ROBO2: variants seen among roughly 807,000 people sequenced by gnomAD.
ROBO2 encodes roundabout homolog 2.
Under a neutral mutation model 160.8 loss-of-function variants are expected in ROBO2, and 53 were observed. That is an observed-to-expected ratio of 0.33 (90% CI 0.26 to 0.41). The LOEUF is 0.41. Among genes scored for constraint, ROBO2 ranks in the 10% least tolerant of loss-of-function variants. ROBO2 has a pLI of 1.00. For synonymous variants in ROBO2, 664 were observed against 611.7 expected (o/e 1.09, Z -1.26); for missense variants, 1,577 against 1,722.4 (o/e 0.92, Z 1.49).
chr3:76,188,084 T>G (rs1701845151), intron 2 of ROBO2, among the ~76,000 whole-genome samples: 2 of 152,118 alleles, frequency 1.3e-5, no homozygotes, highest in Admixed American at 1.3e-4. Flanking sequence ...CAGTGAATGC[T>G]TCCATCTCTC....
intron 2 of ROBO2, among the ~76,000 whole-genome samples, chr3:77,159,622 C>T (rs923430513): frequency 2.0e-5 from 3 of 152,038 alleles, no homozygotes; most frequent in African/African-American, 7.2e-5. Flanking sequence ...ATATCTCTAC[C>T]TGTCCAAATT....
chr3:76,518,490 C>G (rs2081447438), intron 2 of ROBO2, among the ~76,000 whole-genome samples: 1 of 152,018 alleles, frequency 6.6e-6, no homozygotes, highest in African/African-American at 2.4e-5. Flanking sequence ...AGAGGCGTCT[C>G]TGAAAGTTCC....
chr3:76,093,500 A>AATT (rs2069316416), intron 2 of ROBO2, among the ~76,000 whole-genome samples: 1 of 148,114 alleles, frequency 6.8e-6, no homozygotes, highest in Admixed American at 6.8e-5. Flanking sequence ...TATAATATAA[A>AATT]ATATTTATAC....
chr3:76,567,654 C>CACATACATAT (rs1553805766), intron 2 of ROBO2, among the ~76,000 whole-genome samples: 1 of 41,638 alleles, frequency 2.4e-5, no homozygotes, highest in Non-Finnish European at 4.4e-5. Flanking sequence ...TATATATATA[C>CACATACATAT]ACATACACAT....
chr3:77,111,916 A>G (rs1207016268), intron 2 of ROBO2, among the ~76,000 whole-genome samples: 1 of 152,110 alleles, frequency 6.6e-6, no homozygotes, highest in Non-Finnish European at 1.5e-5. Context: ...AAATGTCACT[A>G]TCGGAGAAAG....
intron 2 of ROBO2, among the ~76,000 whole-genome samples, chr3:76,078,657 G>A (rs1354624117): frequency 1.3e-5 from 2 of 152,154 alleles, no homozygotes; most frequent in African/African-American, 2.4e-5. Flanking sequence ...GAGCCACCAT[G>A]CACGGCCTCA....
intron 2 of ROBO2, among the ~76,000 whole-genome samples, chr3:77,359,465 G>C (rs1396008226): frequency 2.0e-5 from 3 of 152,158 alleles, no homozygotes; most frequent in Non-Finnish European, 2.9e-5. Context: ...TACCTGTGCT[G>C]ATTTGAAGAT....
At chr3:76,250,881 C>A (rs1046424942) in intron 2 of ROBO2, among the ~76,000 whole-genome samples, 1 of 151,956 alleles carries the variant, frequency 6.6e-6, no homozygotes, top group Non-Finnish European at 1.5e-5. Context: ...ATGTTATTTT[C>A]AAAACTTGAC....
chr3:77,566,375 T>C (rs960693557), intron 12 of ROBO2, among the ~76,000 whole-genome samples: 3 of 152,102 alleles, frequency 2.0e-5, no homozygotes, highest in Admixed American at 2.0e-4. Flanking sequence ...AATTTGAAAA[T>C]CTGAAATTTG....
intron 2 of ROBO2, among the ~76,000 whole-genome samples, chr3:76,384,285 C>T (rs1219384719): frequency 1.3e-5 from 2 of 152,096 alleles, no homozygotes; most frequent in African/African-American, 2.4e-5. Flanking sequence ...GCTATTTATT[C>T]TCAATAAGTA....
chr3:76,615,185 G>C (rs1005899921), intron 2 of ROBO2, among the ~76,000 whole-genome samples: 1 of 152,070 alleles, frequency 6.6e-6, no homozygotes, highest in Non-Finnish European at 1.5e-5. Flanking sequence ...TCATTCTGGA[G>C]ATTCTAAATC....
chr3:76,860,888 A>G (rs542808337), intron 2 of ROBO2, among the ~76,000 whole-genome samples: 31 of 152,270 alleles, frequency 2.0e-4, no homozygotes, highest in African/African-American at 7.5e-4. Flanking sequence ...AACTGCACTT[A>G]TTTAAAGTGT....
chr3:76,538,585 C>A (rs2082644975), intron 2 of ROBO2, among the ~76,000 whole-genome samples: 1 of 152,084 alleles, frequency 6.6e-6, no homozygotes, highest in Non-Finnish European at 1.5e-5. Flanking sequence ...ATTGTTTTTT[C>A]TTTTTCAAAT....
At chr3:76,744,157 C>A (rs1341936149) in intron 2 of ROBO2, among the ~76,000 whole-genome samples, 2 of 152,046 alleles carry the variant, frequency 1.3e-5, no homozygotes, top group African/African-American at 4.8e-5. Flanking sequence ...TTTTCTAGAG[C>A]TATCATAACA....
intron 2 of ROBO2, among the ~76,000 whole-genome samples, chr3:76,149,107 A>T (rs1409181024): frequency 6.6e-6 from 1 of 151,908 alleles, no homozygotes; most frequent in Non-Finnish European, 1.5e-5. Flanking sequence ...TGTGTGATAA[A>T]AACTGATTCC....
At chr3:77,534,322 G>A (rs2091951159) in intron 6 of ROBO2, among the ~76,000 whole-genome samples, 1 of 151,754 alleles carries the variant, frequency 6.6e-6, no homozygotes, top group Non-Finnish European at 1.5e-5. Context: ...TAAATATTAA[G>A]TATTTCTAAT....
chr3:76,227,977 C>CA (rs1239971012), intron 2 of ROBO2, among the ~76,000 whole-genome samples: 3 of 151,754 alleles, frequency 2.0e-5, no homozygotes, highest in Non-Finnish European at 2.9e-5. Flanking sequence ...ATACTCTATA[C>CA]AAAAAAAGTA....
chr3:77,394,466 C>T (rs918754723), intron 2 of ROBO2, among the ~76,000 whole-genome samples: 8 of 151,994 alleles, frequency 5.3e-5, no homozygotes, highest in East Asian at 1.9e-4. Context: ...CTAATGAAAA[C>T]GTATTTCTAT....
In ROBO2 at chr3:76,365,931, A is replaced by T. The variant is rs571376056; in HGVS notation, c.109+428329A>T. 9.2e-5 allele frequency among the ~76,000 whole-genome samples: 14 copies of T among 152,134 alleles called. No individual in the cohort carries two copies. In the South Asian group the frequency reaches 2.7e-3, roughly 29 times the overall value. On this transcript the variant is annotated intron_variant, in intron 2 of 26. Coordinates refer to the ROBO2 transcript ENST00000487694. The stretch of plus-strand genomic sequence containing the variant: ...TCTGCTCAAAACATGGTGATGGCTT[A>T]TATTCCCGAGAATCAGTCTCAAAGT...
Sources: gnomAD v4.1 joint callset for allele counts (sites outside exome capture counted in the v4.1 genomes callset) on GRCh38, gnomAD v4.1.1 for gene constraint, MANE v1.5 for transcripts, NCBI Gene and HGNC (gene_info 2026-07-23, HGNC 2026-07-21) for gene names.